Variants in PTPRN2 observed in about 807,000 individuals in gnomAD.
PTPRN2 encodes the protein receptor-type tyrosine-protein phosphatase N2.
Under a neutral mutation model 118.8 loss-of-function variants are expected in PTPRN2, and 74 were observed. That is an observed-to-expected ratio of 0.62 (90% CI 0.52 to 0.76). The LOEUF (loss-of-function observed/expected upper bound fraction) is 0.76, where lower values mean the gene tolerates loss of function less well. Ranked by LOEUF, PTPRN2 falls within the 30% of genes least tolerant of loss-of-function variation. PTPRN2 has a pLI of 0.00. For missense variants in PTPRN2, 1,481 were observed against 1,394.4 expected (o/e 1.06, Z -0.99); for synonymous variants, 641 against 608.0 (o/e 1.05, Z -0.80).
At chr7:157,880,558 C>A (rs1326267862) in intron 12 of PTPRN2, among the ~76,000 whole-genome samples, 1 of 152,204 alleles carries the variant, frequency 6.6e-6, no homozygotes, top group East Asian at 1.9e-4. Context: ...GGACCCGGCC[C>A]ATAGGCAGAT....
At chr7:157,896,654 G>A (rs371712785) in intron 12 of PTPRN2, among the ~76,000 whole-genome samples, 1 of 151,828 alleles carries the variant, frequency 6.6e-6, no homozygotes, top group African/African-American at 2.4e-5. Context: ...AAGGAGCTCC[G>A]TTGTGAGTGG....
chr7:157,657,071 G>A (rs111162895), intron 13 of PTPRN2, among the ~76,000 whole-genome samples: 915 of 17,558 alleles, frequency 0.052, 3 homozygotes, highest in Admixed American at 0.073. Context: ...CACCACACAC[G>A]TCACACATAT....
intron 21 of PTPRN2, among the ~76,000 whole-genome samples, chr7:157,555,209 A>G (rs183528360): frequency 2.9e-4 from 44 of 152,232 alleles, no homozygotes; most frequent in Non-Finnish European, 2.9e-5. Flanking sequence ...TTTCTAATTC[A>G]CTCAGGGCTC....
intron 1 of PTPRN2, among the ~76,000 whole-genome samples, chr7:158,558,119 A>AGACCACAGGCAAGAGC (rs1827165966): frequency 6.6e-6 from 1 of 151,974 alleles, no homozygotes; most frequent in Non-Finnish European, 1.5e-5. Flanking sequence ...CAAGGAGCTG[A>AGACCACAGGCAAGAGC]GACCACAGGC....
At position 158,089,153 on chromosome 7, in the gene PTPRN2, G is replaced by A. The variant is rs1387702321; in HGVS notation, c.1644-7776C>T. 1.5e-4 allele frequency among the ~76,000 whole-genome samples: 3 copies of A among 19,386 alleles called. 1 individual carries two copies. The Admixed American group carries it at 1.6e-3, about 10-fold the overall frequency. 12.7% of individuals were successfully genotyped at this position (19,386 alleles called of 152,430 possible). A position where few individuals can be genotyped will look rare whatever the true frequency, so the allele number is the denominator to read the frequency against. ...TCTTCACACACATCCTTCTTCCCCT[G>A]ACGAAAGAGGGAGTCTTCACACACA... On this transcript the variant is annotated intron_variant, in intron 10 of 22. Coordinates refer to ENST00000389418, the MANE Select transcript of PTPRN2 (RefSeq NM_002847.5).
At chr7:157,818,578 G>T (rs964155478) in intron 12 of PTPRN2, among the ~76,000 whole-genome samples, 1 of 152,070 alleles carries the variant, frequency 6.6e-6, no homozygotes, top group Non-Finnish European at 1.5e-5. Flanking sequence ...CAGAGGCCAC[G>T]ACACCGAGGC....
At chr7:158,316,643 C>T (rs534808352) in intron 3 of PTPRN2, among the ~76,000 whole-genome samples, 176 bp downstream of exon 3, 4 of 152,292 alleles carry the variant, frequency 2.6e-5, no homozygotes, top group South Asian at 4.1e-4. Flanking sequence ...AACCCAGGAA[C>T]GGACGATCCC....
At chr7:157,923,361 C>G (rs1190142038) in intron 11 of PTPRN2, among the ~76,000 whole-genome samples, 1 of 152,220 alleles carries the variant, frequency 6.6e-6, no homozygotes, top group African/African-American at 2.4e-5. Flanking sequence ...AGCCAGCCCC[C>G]TGGGACCATC....
intron 11 of PTPRN2, among the ~76,000 whole-genome samples, chr7:158,021,699 C>T (rs1806884421): frequency 1.3e-5 from 2 of 152,066 alleles, no homozygotes; most frequent in South Asian, 2.1e-4. Context: ...AGAGGGGCCT[C>T]GGGAGGAGCA....
In PTPRN2 at chr7:157,861,190, C is replaced by A. The variant is rs960777434; in HGVS notation, c.1788+37483G>T. ...CTCAGGGAGGCACCCTGTGCGTGCT[C>A]CATGGTGACACTGCCCCACGGGGTC... On this transcript the variant is annotated intron_variant, in intron 12 of 22. Transcript: ENST00000389418. This position sits in a 1 kb window ranked among gnomAD's most constrained non-coding sequence, Gnocchi z 5.8. Among the ~76,000 whole-genome samples, 6 of 152,168 alleles carry A rather than the reference C, an allele frequency of 3.9e-5. No homozygotes were observed. The highest frequency in any genetic ancestry group is 7.3e-5 in the Non-Finnish European group (5 of 68,036).
chr7:158,465,879 T>G (rs987163443), intron 2 of PTPRN2, among the ~76,000 whole-genome samples: 1 of 152,210 alleles, frequency 6.6e-6, no homozygotes, highest in African/African-American at 2.4e-5. Context: ...TCATGTGGGC[T>G]AAGCTACTTT....
In PTPRN2 at chr7:158,130,593, CAA is replaced by C. The variant is rs915029619; in HGVS notation, c.1556+3082_1556+3083del. ...TACACACATGCACATATGCACAAACCAATACACATCTACCCTACATACACACT... is the reference window on the plus strand; with the variant it reads ...TACACACATGCACATATGCACAAACCTACACATCTACCCTACATACACACT... On this transcript the variant is annotated intron_variant, in intron 9 of 22. Transcript: ENST00000389418. 2.8e-4 allele frequency among the ~76,000 whole-genome samples: 42 copies of C among 150,618 alleles called. 1 individual carries two copies. The Middle Eastern group carries it at 0.011, about 38-fold the overall frequency.
At chr7:158,103,133 GCAGT>G (rs1483142605) in intron 10 of PTPRN2, among the ~76,000 whole-genome samples, 1 of 152,208 alleles carries the variant, frequency 6.6e-6, no homozygotes, top group Non-Finnish European at 1.5e-5. Flanking sequence ...GTCATTGGCT[GCAGT>G]CAGTGTGAGG....
intron 2 of PTPRN2, among the ~76,000 whole-genome samples, chr7:158,361,589 A>C (rs1246860178): frequency 6.6e-6 from 1 of 152,204 alleles, no homozygotes; most frequent in African/African-American, 2.4e-5. Flanking sequence ...ACAGCCCTCC[A>C]GAGAGAGCTG....
At chr7:157,682,312 A>T (rs1053790901) in intron 13 of PTPRN2, among the ~76,000 whole-genome samples, 13 of 152,194 alleles carry the variant, frequency 8.5e-5, no homozygotes, top group Non-Finnish European at 1.2e-4. Context: ...AGGTCAAAGG[A>T]TCTTTTCACA....
Position 158,570,759 on chromosome 7 carries a change from A to T in PTPRN2, c.112+16799T>A, listed in dbSNP as rs1331341656. Reference sequence around the variant, plus strand: ...AGCCTGTGAGCCCCCGTCTCCGACCACGGACTCACCGGGAAGCACCAAGGA... The same window carrying T: ...AGCCTGTGAGCCCCCGTCTCCGACCTCGGACTCACCGGGAAGCACCAAGGA... On this transcript the variant is annotated intron_variant, in intron 1 of 22. Coordinates refer to ENST00000389418, the MANE Select transcript of PTPRN2 (RefSeq NM_002847.5). This position sits in a 1 kb window ranked among gnomAD's most constrained non-coding sequence, Gnocchi z 4.5. 6.6e-6 allele frequency among the ~76,000 whole-genome samples: 1 copy of T among 152,234 alleles called. No individual in the cohort carries two copies. The highest frequency in any genetic ancestry group is 1.5e-5 in the Non-Finnish European group (1 of 68,028).
chr7:157,834,122 GCAC>G, intron 12 of PTPRN2, among the ~76,000 whole-genome samples: 1 of 151,056 alleles, frequency 6.6e-6, no homozygotes, highest in African/African-American at 2.4e-5. Flanking sequence ...TGAGCCAGCA[GCAC>G]TCCCTGTGAT....
chr7:157,714,966 G>T (rs1429874814), intron 12 of PTPRN2, among the ~76,000 whole-genome samples: 1 of 152,190 alleles, frequency 6.6e-6, no homozygotes, highest in African/African-American at 2.4e-5. Flanking sequence ...TCCGAGGCCA[G>T]CTCCCCAGGG....
chr7:158,081,977 A>C (rs1015647435), intron 10 of PTPRN2, among the ~76,000 whole-genome samples: 1 of 151,956 alleles, frequency 6.6e-6, no homozygotes, highest in East Asian at 1.9e-4. Flanking sequence ...TATGCAGTAG[A>C]AACTGATTAT....
Sources: gnomAD v4.1 joint callset for allele counts (sites outside exome capture counted in the v4.1 genomes callset) on GRCh38, gnomAD v4.1.1 for gene constraint, Gnocchi (gnomAD v3.1) non-coding constraint, MANE v1.5 for transcripts, NCBI Gene and HGNC (gene_info 2026-07-23, HGNC 2026-07-21) for gene names.